The following SLC27A2 variants were observed in gnomAD, a reference collection of about 807,000 sequenced individuals.
SLC27A2 encodes long-chain fatty acid transport protein 2.
Under a neutral mutation model 60.0 loss-of-function variants are expected in SLC27A2, and 54 were observed. That is an observed-to-expected ratio of 0.90 (90% CI 0.72 to 1.13). The LOEUF is 1.13. SLC27A2 is among the 50% of genes most tolerant of loss of function. The pLI, the probability that SLC27A2 is intolerant of heterozygous loss-of-function variation, is 0.00. For synonymous variants in SLC27A2, 297 were observed against 297.6 expected (o/e 1.00, Z 0.02); for missense variants, 739 against 777.6 (o/e 0.95, Z 0.59).
intron 4 of SLC27A2, among the ~76,000 whole-genome samples, chr15:50,219,070 T>G (rs2045223970): frequency 6.6e-6 from 1 of 152,232 alleles, no homozygotes; most frequent in Non-Finnish European, 1.5e-5. Flanking sequence ...TCCTCAGTGT[T>G]GTATTATGGG....
intron 1 of SLC27A2, among the ~76,000 whole-genome samples, chr15:50,187,331 A>G (rs565676015): frequency 1.3e-5 from 2 of 152,384 alleles, no homozygotes; most frequent in East Asian, 1.9e-4. Flanking sequence ...TAAAAGCCAC[A>G]TGGCTGGGCC....
chr15:50,190,726 A>AT (rs1284203332), intron 1 of SLC27A2, among the ~76,000 whole-genome samples: 1 of 151,206 alleles, frequency 6.6e-6, no homozygotes, highest in Non-Finnish European at 1.5e-5. Context: ...TAATCACTTG[A>AT]TTTTTCAACA....
rs145339086 is a variant in SLC27A2 at position 50,200,276 on chromosome 15, T to C, written c.689-2211T>C. Among the ~76,000 whole-genome samples, 565 of 151,958 alleles carry C rather than the reference T, an allele frequency of 3.7e-3. 4 individuals carry two copies. The highest frequency in any genetic ancestry group is 0.013 in the African/African-American group (546 of 41,438). The stretch of plus-strand genomic sequence containing the variant: ...ACCTTGTCTCTACAAAAAATATAAA[T>C]AAACAGCCAGGCATGGTGGTGCACA... On this transcript the variant is annotated intron_variant, in intron 2 of 9. Coordinates refer to ENST00000267842, the MANE Select transcript of SLC27A2 (RefSeq NM_003645.4).
chr15:50,202,503 C>T lies in SLC27A2; in HGVS notation c.705C>T (p.Ala235=). The T allele has an allele frequency of 6.2e-7, 1 of 1,614,160 alleles. No homozygotes were observed. Among genetic ancestry groups the T allele is most frequent in the Non-Finnish European group, 8.5e-7 (1 of 1,180,012 alleles). The change falls in exon 3 of 10, where the codon GCC becomes GCT. Residue 235 remains alanine, a synonymous_variant. Coordinates refer to ENST00000267842, the MANE Select transcript of SLC27A2 (RefSeq NM_003645.4). Reference sequence around the variant, plus strand: ...TTTACAAAGGTCTTCCAAAAGCAGCCATGATCACTCATCAGCGCATATGGT... The same window carrying T: ...TTTACAAAGGTCTTCCAAAAGCAGCTATGATCACTCATCAGCGCATATGGT... ...TSGTTGLPKA[A]MITHQRIWYG...
intron 1 of SLC27A2, among the ~76,000 whole-genome samples, chr15:50,192,787 T>TAAA (rs35220625): frequency 0.67 from 90,721 of 136,052 alleles, 30,692 homozygotes; most frequent in East Asian, 0.92. Flanking sequence ...ACATTTTTCT[T>TAAA]AAAAAAAAAA....
intron 2 of SLC27A2, among the ~76,000 whole-genome samples, chr15:50,200,370 G>A (rs1276585853): frequency 6.6e-6 from 1 of 151,864 alleles, no homozygotes; most frequent in Non-Finnish European, 1.5e-5. Context: ...GGTGAGCCTT[G>A]AACACCACTA....
intron 8 of SLC27A2, among the ~76,000 whole-genome samples, chr15:50,232,111 T>C (rs1444941349): frequency 6.6e-6 from 1 of 152,208 alleles, no homozygotes; most frequent in East Asian, 1.9e-4. Context: ...CATTCCAGAC[T>C]AGAAATGCAG....
At chr15:50,185,621 CTTT>C (rs531026687) in intron 1 of SLC27A2, among the ~76,000 whole-genome samples, 5,083 of 94,464 alleles carry the variant, frequency 0.054, 37 homozygotes, top group African/African-American at 0.078. Flanking sequence ...AGGAAGCTTA[CTTT>C]TTTTTTTTTT....
chr15:50,204,983 C>A (rs529661640), intron 3 of SLC27A2, among the ~76,000 whole-genome samples: 1 of 150,196 alleles, frequency 6.7e-6, no homozygotes, highest in Admixed American at 6.6e-5. Flanking sequence ...CTTAGGACTT[C>A]ATTTGAATCT....
intron 4 of SLC27A2, among the ~76,000 whole-genome samples, chr15:50,216,610 G>GTGTGTGTGTGTGTGTGTATATATA (rs1323910367): frequency 1.4e-4 from 9 of 66,464 alleles, no homozygotes; most frequent in Non-Finnish European, 2.4e-4. Flanking sequence ...GTGTGTGTGT[G>GTGTGTGTGTGTGTGTGTATATATA]TATATATATA....
chr15:50,222,616 A>G (rs1050383900), intron 4 of SLC27A2, among the ~76,000 whole-genome samples: 1 of 152,164 alleles, frequency 6.6e-6, no homozygotes, highest in Non-Finnish European at 1.5e-5. Flanking sequence ...TATTATACAC[A>G]TTATTCTAAC....
At chr15:50,230,236 C>CAAAAA (rs921052664) in intron 8 of SLC27A2, among the ~76,000 whole-genome samples, 2 of 48,684 alleles carry the variant, frequency 4.1e-5, no homozygotes, top group African/African-American at 1.8e-4. Flanking sequence ...TCTGTCTCAC[C>CAAAAA]AAAAAAAAAA....
Position 50,205,225 on chromosome 15 carries a change from T to G in SLC27A2, c.848-14T>G. On this transcript the variant is annotated splice_polypyrimidine_tract_variant and intron_variant, in intron 3 of 9. Transcript: ENST00000267842. ...ACCATTTCTTTCTTGACACTTTCTG[T>G]GCTTTCTCTGTAGGTGCTACTCTTG... 6.3e-7 allele frequency: 1 copy of G among 1,594,106 alleles called. No individual in the cohort carries two copies. The highest frequency in any genetic ancestry group is 8.6e-7 in the Non-Finnish European group (1 of 1,166,804).
At chr15:50,197,036 G>GATA (rs1215838646) in intron 1 of SLC27A2, among the ~76,000 whole-genome samples, 1 of 152,128 alleles carries the variant, frequency 6.6e-6, no homozygotes, top group Non-Finnish European at 1.5e-5. Context: ...GTTACACACG[G>GATA]ATATTTCTTG....
At position 50,182,481 on chromosome 15, in the gene SLC27A2, G is replaced by T. The variant is rs1217053022; in HGVS notation, c.54G>T (p.Leu18=). The T allele has an allele frequency of 8.1e-6, 13 of 1,610,356 alleles. No individual in the cohort carries two copies. Among genetic ancestry groups the T allele is most frequent in the Non-Finnish European group, 1.0e-5 (12 of 1,178,528 alleles). The change falls in exon 1 of 10, where the codon CTG becomes CTT. Residue 18 remains leucine, a synonymous_variant. Coordinates refer to ENST00000267842, the MANE Select transcript of SLC27A2 (RefSeq NM_003645.4). ...CGGGACTGCTGTTCCTGCCGCTCCT[G>T]GTGAACCTCTGCTGCCCATACTTCT... is the stretch of plus-strand genomic sequence containing the variant. The part of the protein sequence containing the change: ...VLAGLLFLPL[L]VNLCCPYFFQ...
rs2044870913 is a variant in SLC27A2, at chr15:50,182,672, C to G, written c.245C>G (p.Ala82Gly). 1.2e-6 allele frequency: 2 copies of G among 1,613,856 alleles called. No individual in the cohort carries two copies. Reference sequence around the variant, plus strand: ...TTCCGCGACGAGACTCTCACCTACGCGCAGGTGGACCGGCGCAGCAATCAA... The same window carrying G: ...TTCCGCGACGAGACTCTCACCTACGGGCAGGTGGACCGGCGCAGCAATCAA... Reference protein sequence around the residue: ...LLFRDETLTYAQVDRRSNQVA... With the variant: ...LLFRDETLTYGQVDRRSNQVA... The change falls in exon 1 of 10, where the codon GCG (alanine) becomes GGG (glycine). Residue 82 changes from alanine to glycine, a missense_variant. Coordinates refer to ENST00000267842, the MANE Select transcript of SLC27A2 (RefSeq NM_003645.4).
At chr15:50,232,968 G>A (rs1225426163) in intron 8 of SLC27A2, among the ~76,000 whole-genome samples, 1 of 152,212 alleles carries the variant, frequency 6.6e-6, no homozygotes, top group Non-Finnish European at 1.5e-5. Context: ...GTTTAGGGAA[G>A]TGGAACTGGA....
chr15:50,206,144 G>T (rs748757883), intron 4 of SLC27A2, among the ~76,000 whole-genome samples: 2 of 152,020 alleles, frequency 1.3e-5, no homozygotes, highest in Non-Finnish European at 2.9e-5. Flanking sequence ...ATTCTTTGCC[G>T]CGCGGACTTA....
At chr15:50,226,195 G>T (rs2045277538) in intron 6 of SLC27A2, 117 bp downstream of exon 6, 2 of 637,206 alleles carry the variant, frequency 3.1e-6, no homozygotes, top group East Asian at 2.7e-5. Context: ...GAAAAGGGGG[G>T]TTTATTTAAG....
Sources: gnomAD v4.1 joint callset for allele counts (sites outside exome capture counted in the v4.1 genomes callset) on GRCh38, gnomAD v4.1.1 for gene constraint, MANE v1.5 for transcripts, NCBI Gene and HGNC (gene_info 2026-07-23, HGNC 2026-07-21) for gene names.